The following SSH2 variants were observed in gnomAD, a reference collection of about 807,000 sequenced individuals.
SSH2 encodes the protein protein phosphatase Slingshot homolog 2.
SSH2 carries 37 observed loss-of-function variants against 135.2 expected under a neutral mutation model. The ratio of observed to expected loss-of-function variants is 0.27; its 90% CI spans 0.21 to 0.36. The LOEUF (loss-of-function observed/expected upper bound fraction) is 0.36, where lower values mean the gene tolerates loss of function less well. Among genes scored for constraint, SSH2 ranks in the 10% least tolerant of loss-of-function variants. The pLI is 1.00. For synonymous variants in SSH2, 628 were observed against 646.2 expected, an observed-to-expected ratio of 0.97 and a Z score of 0.43; for missense variants, 1,408 against 1,765.3, an observed-to-expected ratio of 0.80 and a Z score of 3.63.
rs567734863 is a variant in SSH2, at chr17:29,844,829, G to A, written c.144+4020C>T. ...TCTGCACTCCTGCCTTCTCTTCCAG[G>A]AAAGCCCCAAGAGATCTAAGGCAGC... On this transcript the variant is annotated intron_variant, in intron 2 of 15. Coordinates refer to ENST00000540801, the MANE Select transcript of SSH2 (RefSeq NM_001282129.2). 2.2e-3 allele frequency among the ~76,000 whole-genome samples: 330 copies of A among 152,250 alleles called. 1 individual carries two copies. Among genetic ancestry groups the A allele is most frequent in the African/African-American group, 7.8e-3 (325 of 41,518 alleles).
chr17:29,661,061 C>CAAAAAAAAAAAAA (rs374216221), intron 11 of SSH2, among the ~76,000 whole-genome samples: 1 of 48,332 alleles, frequency 2.1e-5, no homozygotes, highest in African/African-American at 6.7e-5. Flanking sequence ...AATTCCATCT[C>CAAAAAAAAAAAAA]AAAAAAAAAA....
intron 2 of SSH2, among the ~76,000 whole-genome samples, chr17:29,794,803 C>G (rs751366372): frequency 4.6e-5 from 7 of 152,170 alleles, no homozygotes; most frequent in Non-Finnish European, 1.0e-4. Flanking sequence ...TATTGACTCC[C>G]AGCTAGCTGA....
chr17:29,761,332 C>T (rs1038982407), intron 3 of SSH2: 11 of 1,126,432 alleles, frequency 9.8e-6, no homozygotes, highest in Non-Finnish European at 1.2e-5. Flanking sequence ...TGCTCCGGCA[C>T]GAGGCGCAGG....
chr17:29,896,628 T>A (rs1030372689), intron 1 of SSH2, among the ~76,000 whole-genome samples: 1 of 151,440 alleles, frequency 6.6e-6, no homozygotes, highest in East Asian at 1.9e-4. Flanking sequence ...TTCAATCCCA[T>A]TCCCACTTTA....
At chr17:29,781,473 CTTT>C (rs541361010) in intron 3 of SSH2, among the ~76,000 whole-genome samples, 1 of 81,836 alleles carries the variant, frequency 1.2e-5, no homozygotes, top group Non-Finnish European at 2.3e-5. Flanking sequence ...CCTGTGTTTT[CTTT>C]TTTTTTTTTT....
chr17:29,692,180 CAA>C (rs950780493), intron 5 of SSH2, among the ~76,000 whole-genome samples: 15 of 145,282 alleles, frequency 1.0e-4, no homozygotes, highest in African/African-American at 3.8e-4. Flanking sequence ...AAAAAAAAAA[CAA>C]GACTTTCAGT....
chr17:29,698,931 C>T (rs3115086), intron 4 of SSH2, among the ~76,000 whole-genome samples: 81,650 of 151,862 alleles, frequency 0.54, 22,237 homozygotes, highest in East Asian at 0.69. Context: ...CACTACTGGC[C>T]CAAAGATTCA....
intron 11 of SSH2, among the ~76,000 whole-genome samples, chr17:29,665,970 T>C (rs187565539): frequency 6.5e-4 from 99 of 152,352 alleles, no homozygotes; most frequent in Non-Finnish European, 1.0e-3. Context: ...AGTTATATAG[T>C]AGCTCCCACC....
chr17:29,756,163 C>T (rs2041112218), intron 3 of SSH2, among the ~76,000 whole-genome samples: 1 of 151,222 alleles, frequency 6.6e-6, no homozygotes, highest in South Asian at 2.1e-4. Flanking sequence ...ATCCCAGCTA[C>T]TCGGGAGGCT....
intron 2 of SSH2, among the ~76,000 whole-genome samples, chr17:29,794,716 T>C: frequency 6.6e-6 from 1 of 152,184 alleles, no homozygotes; most frequent in East Asian, 1.9e-4. Flanking sequence ...ACTCAATGAA[T>C]ATTTTACAGA....
rs199649914 is a variant in SSH2 at position 29,765,575 on chromosome 17, A to T, written c.188+28319T>A. ...TTTTCCACAAATCTGAAAAATAGCT[A>T]AAGTGGACAACATTAGAAAGTGGCA... On this transcript the variant is annotated intron_variant, in intron 3 of 15. Transcript: ENST00000540801. Among the ~76,000 whole-genome samples, 9 of 152,218 alleles carry T rather than the reference A, an allele frequency of 5.9e-5. No individual in the cohort carries two copies. In the East Asian group the frequency reaches 1.5e-3, roughly 26 times the overall value.
intron 2 of SSH2, among the ~76,000 whole-genome samples, chr17:29,846,255 AAC>A (rs2043132172): frequency 1.3e-5 from 2 of 152,190 alleles, no homozygotes; most frequent in South Asian, 4.2e-4. Context: ...GGCTTTCTCA[AAC>A]ACTTGACCTC....
At chr17:29,842,275 G>A (rs911583042) in intron 2 of SSH2, among the ~76,000 whole-genome samples, 1 of 151,804 alleles carries the variant, frequency 6.6e-6, no homozygotes, top group African/African-American at 2.4e-5. Context: ...CTAACATGAC[G>A]AAACCCTGTC....
chr17:29,653,210 G>A (rs1226995441), intron 12 of SSH2, among the ~76,000 whole-genome samples: 1 of 152,080 alleles, frequency 6.6e-6, no homozygotes, highest in African/African-American at 2.4e-5. Flanking sequence ...GATGGAAATG[G>A]CCTTAATGTC....
chr17:29,826,139 T>C (rs1451783970), intron 2 of SSH2, among the ~76,000 whole-genome samples: 1 of 152,190 alleles, frequency 6.6e-6, no homozygotes, highest in Non-Finnish European at 1.5e-5. Context: ...AAAATCTTAG[T>C]GACTGAAAAC....
At position 29,631,325 on chromosome 17, in the gene SSH2, A is replaced by G; in HGVS notation, c.3869T>C (p.Leu1290Ser). ...GTCTTTACAGAGGTCCAAGTAACCTAATTTGGCGAGAGAAGCTGAGCGCCT... is the reference window on the plus strand; with the variant it reads ...GTCTTTACAGAGGTCCAAGTAACCTGATTTGGCGAGAGAAGCTGAGCGCCT... The part of the protein sequence containing the change: ...QMRRSASLAK[L>S]GYLDLCKDCL... Residue 1290 changes from leucine to serine, a missense_variant, in exon 16 of 16, where the codon TTA (leucine) becomes TCA (serine). Coordinates refer to ENST00000540801, the MANE Select transcript of SSH2 (RefSeq NM_001282129.2). The G allele has an allele frequency of 6.2e-7, 1 of 1,614,092 alleles. No individual in the cohort carries two copies. Among genetic ancestry groups the G allele is most frequent in the Non-Finnish European group, 8.5e-7 (1 of 1,180,016 alleles).
intron 1 of SSH2, among the ~76,000 whole-genome samples, chr17:29,851,362 G>A (rs1010374583): frequency 4.6e-5 from 7 of 151,746 alleles, no homozygotes; most frequent in East Asian, 3.9e-4. Context: ...TTTGGGAGGC[G>A]GGTGGATCAC....
At chr17:29,809,024 C>T (rs1199119514) in intron 2 of SSH2, among the ~76,000 whole-genome samples, 2 of 152,108 alleles carry the variant, frequency 1.3e-5, no homozygotes, top group South Asian at 2.1e-4. Flanking sequence ...GAGGCTGAGG[C>T]GGGCAGGTCA....
chr17:29,927,286 C>G (rs1452592454), intron 1 of SSH2, among the ~76,000 whole-genome samples: 1 of 152,102 alleles, frequency 6.6e-6, no homozygotes, highest in East Asian at 1.9e-4. Context: ...CTTCTTTTCC[C>G]TCTTACCTTA....
Sources: allele counts gnomAD v4.1 joint callset (sites outside exome capture counted in the v4.1 genomes callset), GRCh38; gene constraint gnomAD v4.1.1; transcripts MANE v1.5; gene names NCBI Gene and HGNC (gene_info 2026-07-23, HGNC 2026-07-21).